EFCAB7: variants seen among roughly 807,000 people sequenced by gnomAD.
EFCAB7 encodes the protein EF-hand calcium binding domain 7.
Under a neutral mutation model 77.1 loss-of-function variants are expected in EFCAB7, and 66 were observed. The observed-to-expected ratio is 0.86, with a 90% confidence interval of 0.70 to 1.05. The LOEUF is 1.05. Among genes scored for constraint, EFCAB7 ranks in the 50% least tolerant of loss-of-function variants. The probability of loss-of-function intolerance (pLI) is 0.00; values close to 1 mark genes in which losing one functional copy is unlikely to be tolerated. For missense variants in EFCAB7, 638 were observed against 730.5 expected (o/e 0.87, Z 1.46); for synonymous variants, 225 against 243.3 (o/e 0.92, Z 0.70).
chr1:63,543,768 A>G (rs1646858325), intron 6 of EFCAB7, among the ~76,000 whole-genome samples: 1 of 152,098 alleles, frequency 6.6e-6, no homozygotes, highest in Non-Finnish European at 1.5e-5. Context: ...GTAGTTATCA[A>G]TATTATTAAA....
At chr1:63,535,885 T>C (rs1023155582) in intron 6 of EFCAB7, among the ~76,000 whole-genome samples, 2 of 152,126 alleles carry the variant, frequency 1.3e-5, no homozygotes, top group Non-Finnish European at 2.9e-5. Flanking sequence ...GTGTTATATA[T>C]AGAGACCTCA....
intron 8 of EFCAB7, among the ~76,000 whole-genome samples, chr1:63,554,871 A>G (rs987054632): frequency 6.6e-6 from 1 of 152,212 alleles, no homozygotes; most frequent in African/African-American, 2.4e-5. Context: ...ATAGTAAACC[A>G]TTTCAAAATA....
chr1:63,530,228 C>T (rs1570378529), intron 2 of EFCAB7, among the ~76,000 whole-genome samples: 1 of 152,030 alleles, frequency 6.6e-6, no homozygotes, highest in Admixed American at 6.6e-5. Flanking sequence ...CTTACTGGTC[C>T]TTATTACATT....
chr1:63,559,703 T>G (rs1296382675), intron 10 of EFCAB7, among the ~76,000 whole-genome samples: 1 of 152,138 alleles, frequency 6.6e-6, no homozygotes, highest in African/African-American at 2.4e-5. Context: ...GGGTTCACTC[T>G]TGTCTTGTAC....
intron 3 of EFCAB7, 68 bp downstream of exon 3, chr1:63,532,099 A>G: frequency 9.1e-7 from 1 of 1,104,352 alleles, no homozygotes; most frequent in South Asian, 1.4e-5. Context: ...AGCTTTGACT[A>G]CCAAAGTCCA....
chr1:63,562,901 T>C (rs1471363694), intron 11 of EFCAB7, among the ~76,000 whole-genome samples: 1 of 152,202 alleles, frequency 6.6e-6, no homozygotes, highest in Non-Finnish European at 1.5e-5. Context: ...TTATTTTAGA[T>C]ACATTTAGAC....
intron 2 of EFCAB7, among the ~76,000 whole-genome samples, chr1:63,530,973 G>A (rs542036968): frequency 1.3e-5 from 2 of 151,866 alleles, no homozygotes; most frequent in African/African-American, 2.4e-5. Flanking sequence ...TATATCCGTC[G>A]CTGCATGCAT....
intron 8 of EFCAB7, among the ~76,000 whole-genome samples, chr1:63,554,449 C>T (rs540746195): frequency 3.9e-4 from 59 of 152,316 alleles, no homozygotes; most frequent in African/African-American, 1.4e-3. Context: ...AAGTGATTCT[C>T]CTGCCTCAGC....
chr1:63,524,359 G>GT (rs2100853416), intron 1 of EFCAB7, among the ~76,000 whole-genome samples: 1 of 152,320 alleles, frequency 6.6e-6, no homozygotes, highest in South Asian at 2.1e-4. Context: ...CCACATCCCT[G>GT]TGGGGTCCTT....
intron 10 of EFCAB7, among the ~76,000 whole-genome samples, chr1:63,559,962 T>G (rs1037809190): frequency 3.6e-5 from 1 of 27,542 alleles, no homozygotes; most frequent in African/African-American, 6.0e-4. Context: ...TGTTAATAAT[T>G]TTTTTTTTTT....
rs747519951 is a variant in EFCAB7 at position 63,561,732 on chromosome 1, G to A, written c.1372G>A (p.Glu458Lys). Residue 458 changes from glutamate to lysine, a missense_variant, in exon 11 of 14, where the codon GAA (glutamate) becomes AAA (lysine). Glu to Lys is a moderately conservative substitution (Grantham distance 56). Transcript: ENST00000371088. ...CRENFDTKRN[E>K]LTRQGFMDLN... ...AGAGAATTTTGATACAAAGAGGAAT[G>A]AACTAACAAGACAAGGATTTATGGA... The A allele has an allele frequency of 6.2e-7, 1 of 1,601,326 alleles. No individual in the cohort carries two copies. The highest frequency in any genetic ancestry group is 1.1e-5 in the South Asian group (1 of 88,494).
intron 2 of EFCAB7, among the ~76,000 whole-genome samples, chr1:63,531,152 C>T (rs1000989049): frequency 9.9e-5 from 15 of 152,082 alleles, no homozygotes; most frequent in African/African-American, 3.4e-4. Context: ...TCTCCCCATC[C>T]TCCCCTACCC....
At chr1:63,550,697 G>A (rs1315762957) in intron 7 of EFCAB7, 1 of 152,012 alleles carries the variant, frequency 6.6e-6, no homozygotes, top group Non-Finnish European at 1.5e-5. Context: ...ATCCAGCTGG[G>A]ACATTATTGT....
At chr1:63,565,359 A>T (rs896713975) in intron 11 of EFCAB7, among the ~76,000 whole-genome samples, 1 of 111,002 alleles carries the variant, frequency 9.0e-6, no homozygotes, top group Non-Finnish European at 2.1e-5. Context: ...ACTCCGTCTC[A>T]AAAAAAAAAA....
intron 6 of EFCAB7, among the ~76,000 whole-genome samples, chr1:63,535,631 G>T (rs984186919): frequency 6.6e-6 from 1 of 151,936 alleles, no homozygotes; most frequent in African/African-American, 2.4e-5. Flanking sequence ...CCTATAAATA[G>T]GGAGTAATTA....
chr1:63,579,997 T>G, the EFCAB7 span, among the ~76,000 whole-genome samples: 12 of 152,298 alleles, frequency 7.9e-5, 1 homozygote, highest in East Asian at 2.1e-3. Context: ...TTTGAAAGTA[T>G]TTTCTTCTCT....
chr1:63,571,099 G>T lies in EFCAB7; in HGVS notation c.1786G>T (p.Ala596Ser). 2 of 1,610,728 alleles carry T rather than the reference G, an allele frequency of 1.2e-6. No homozygotes were observed. Residue 596 changes from alanine (A) to serine (S), a missense_variant, in exon 13 of 14, where the codon GCA (alanine) becomes TCA (serine). By Grantham distance (99) the Ala-to-Ser change is moderately conservative. Transcript: ENST00000371088. ...CINNRGLNIF[A>S]VEVGPKSTMV... ...AAACAACAGAGGACTCAACATATTTGCAGTAGAAGTGGGACCCAAATCTAC... is the reference window on the plus strand; with the variant it reads ...AAACAACAGAGGACTCAACATATTTTCAGTAGAAGTGGGACCCAAATCTAC...
downstream of EFCAB7, among the ~76,000 whole-genome samples, chr1:63,576,458 C>T (rs1178531992): frequency 3.3e-5 from 5 of 150,744 alleles, no homozygotes; most frequent in African/African-American, 7.3e-5. Context: ...CCAGCCCGGG[C>T]GACATGAGTG....
intron 9 of EFCAB7, among the ~76,000 whole-genome samples, chr1:63,556,883 A>C (rs1476624610): frequency 6.6e-6 from 1 of 151,230 alleles, no homozygotes; most frequent in African/African-American, 2.4e-5. Context: ...CAAAAAAAAA[A>C]AAAAATTAGC....
Sources: gnomAD v4.1 joint callset for allele counts (sites outside exome capture counted in the v4.1 genomes callset) on GRCh38, gnomAD v4.1.1 for gene constraint, MANE v1.5 for transcripts, NCBI Gene and HGNC (gene_info 2026-07-23, HGNC 2026-07-21) for gene names.